The following HDAC9 variants were observed in gnomAD, a reference collection of about 807,000 sequenced individuals.
The protein encoded by HDAC9 is MEF-2 interacting transcription repressor (MITR) protein.
A neutral mutation model predicts 139.4 loss-of-function variants in HDAC9; 41 were observed. That is an observed-to-expected ratio of 0.29 (90% CI 0.23 to 0.38). The LOEUF (loss-of-function observed/expected upper bound fraction) is 0.38. HDAC9 is among the 10% of genes least tolerant of loss of function. The pLI is 1.00. For synonymous variants in HDAC9, 517 were observed against 476.2 expected (o/e 1.09, Z -1.12); for missense variants, 1,147 against 1,297.0 (o/e 0.88, Z 1.78).
At chr7:18,603,371 AT>A (rs529770148) in intron 6 of HDAC9, among the ~76,000 whole-genome samples, 2 of 152,044 alleles carry the variant, frequency 1.3e-5, no homozygotes, top group Admixed American at 6.5e-5. Context: ...TTTTAAAAAA[AT>A]ATTCACTTCT....
chr7:18,213,212 G>T (rs1262028496), intron 2 of HDAC9, among the ~76,000 whole-genome samples: 1 of 152,122 alleles, frequency 6.6e-6, no homozygotes, highest in Non-Finnish European at 1.5e-5. Flanking sequence ...ACAGAGTACT[G>T]TTCAAAAGTT....
chr7:18,109,385 C>G (rs1462823521), intron 1 of HDAC9, among the ~76,000 whole-genome samples: 1 of 152,158 alleles, frequency 6.6e-6, no homozygotes, highest in Non-Finnish European at 1.5e-5. Context: ...TCATCTGTAG[C>G]TTTTGGTGTC....
At chr7:18,136,729 A>G (rs1345599277) in intron 1 of HDAC9, among the ~76,000 whole-genome samples, 2,508 of 151,456 alleles carry the variant, frequency 0.017, 66 homozygotes, top group African/African-American at 0.058. Context: ...GTTTGAAGTC[A>G]GGTAGCGTGA....
intron 21 of HDAC9, among the ~76,000 whole-genome samples, chr7:18,859,414 A>G (rs529520219): frequency 1.3e-5 from 2 of 152,190 alleles, no homozygotes; most frequent in South Asian, 2.1e-4. Flanking sequence ...CTGACTCTGC[A>G]CTTCAGAACT....
chr7:18,509,374 C>G, intron 2 of HDAC9: 2 of 985,428 alleles, frequency 2.0e-6, no homozygotes, highest in Non-Finnish European at 2.4e-6. Flanking sequence ...TCTCTAGCCT[C>G]AAGAAGACTG....
intron 2 of HDAC9, among the ~76,000 whole-genome samples, chr7:18,172,398 C>A (rs186291202): frequency 6.6e-6 from 1 of 152,022 alleles, no homozygotes; most frequent in Non-Finnish European, 1.5e-5. Flanking sequence ...TTCAAAAAAC[C>A]AGCTCCTGGA....
Position 18,495,932 on chromosome 7 carries a change from C to T in HDAC9, c.-133C>T. The T allele has an allele frequency of 2.4e-6, 3 of 1,236,528 alleles. No homozygotes were observed. The highest frequency in any genetic ancestry group is 3.0e-6 in the Non-Finnish European group (3 of 990,402). 76.6% of individuals were successfully genotyped at this position (1,236,528 alleles called of 1,614,324 possible). A position where few individuals can be genotyped will look rare whatever the true frequency, so the allele number is the denominator to read the frequency against. On this transcript the variant is annotated 5_prime_UTR_variant, in exon 1 of 26. The change creates a new upstream start codon in the 5' untranslated region. Transcript: ENST00000686413. ...CTGACAAAGAAATAACCCCGAAGCA[C>T]GTTCCTATTTCCCACCTGCTTGTAG...
At chr7:18,642,312 A>G (rs778620829) in intron 8 of HDAC9, among the ~76,000 whole-genome samples, 3 of 152,052 alleles carry the variant, frequency 2.0e-5, no homozygotes, top group Non-Finnish European at 4.4e-5. Flanking sequence ...CATGAGCTTC[A>G]GAGCCTGAGT....
At chr7:18,114,821 A>G (rs1262717260) in intron 1 of HDAC9, among the ~76,000 whole-genome samples, 2 of 152,190 alleles carry the variant, frequency 1.3e-5, no homozygotes, top group Non-Finnish European at 2.9e-5. Flanking sequence ...AGCTGCATAC[A>G]TTGCTGGGTG....
In HDAC9 at chr7:18,623,125, C is replaced by T. The variant is rs548849814; in HGVS notation, c.665-6225C>T. ...TCCCACTGCACTCCAGCCTGGGTGA[C>T]AGAGTGAGACCCGGTCTCTGGAAAA... On this transcript the variant is annotated intron_variant, in intron 6 of 25. Coordinates refer to ENST00000686413, the MANE Select transcript of HDAC9 (RefSeq NM_178425.4). Among the ~76,000 whole-genome samples the T allele has an allele frequency of 3.5e-5, 5 of 143,754 alleles. No homozygotes were observed. The South Asian group carries it at 1.2e-3, about 33-fold the overall frequency. 94.3% of individuals were successfully genotyped at this position (143,754 alleles called of 152,430 possible).
chr7:18,629,012 A>T (rs1456220031), intron 6 of HDAC9, among the ~76,000 whole-genome samples: 1 of 152,162 alleles, frequency 6.6e-6, no homozygotes, highest in Non-Finnish European at 1.5e-5. Context: ...AGTATAATAA[A>T]TCTTACTGTG....
chr7:18,619,352 G>A (rs893640551), intron 6 of HDAC9, among the ~76,000 whole-genome samples: 1 of 152,106 alleles, frequency 6.6e-6, no homozygotes, highest in African/African-American at 2.4e-5. Context: ...CTTCATGCTT[G>A]GATGTATACA....
At position 18,159,073 on chromosome 7, in the gene HDAC9, A is replaced by G. The variant is rs577145100; in HGVS notation, c.-96-3156A>G. On this transcript the variant is annotated intron_variant, in intron 1 of 12. Transcript: ENST00000417496. The stretch of plus-strand genomic sequence containing the variant: ...TAACCATTCCTGGATCTTAAGAGAC[A>G]AAGGATTCATAGCAGCAGTTGTTTT... 9.8e-5 allele frequency among the ~76,000 whole-genome samples: 15 copies of G among 152,350 alleles called. No homozygotes were observed. In the South Asian group the frequency reaches 1.4e-3, roughly 15 times the overall value.
chr7:18,590,710 A>G (rs1830703770), intron 4 of HDAC9, among the ~76,000 whole-genome samples: 1 of 152,170 alleles, frequency 6.6e-6, no homozygotes. Context: ...ATTATCTGGC[A>G]AAGGTGCTGA....
At chr7:18,087,593 TG>T (rs556001523) in intron 1 of HDAC9, among the ~76,000 whole-genome samples, 313 of 152,240 alleles carry the variant, frequency 2.1e-3, no homozygotes, top group Middle Eastern at 6.8e-3. Context: ...CAACGCTTAT[TG>T]GGGGGTACCT....
At chr7:18,735,446 T>C (rs909125691) in intron 13 of HDAC9, among the ~76,000 whole-genome samples, 5 of 152,216 alleles carry the variant, frequency 3.3e-5, no homozygotes, top group African/African-American at 1.2e-4. Flanking sequence ...TTCAGCTTTC[T>C]ACATATGTCT....
intron 22 of HDAC9, among the ~76,000 whole-genome samples, chr7:18,898,889 A>G (rs1465212321): frequency 6.6e-6 from 1 of 151,980 alleles, no homozygotes; most frequent in Non-Finnish European, 1.5e-5. Context: ...CTTACACAAT[A>G]TGCTTAAAAG....
chr7:18,857,683 A>G (rs1245734005), intron 21 of HDAC9, among the ~76,000 whole-genome samples: 2 of 152,142 alleles, frequency 1.3e-5, no homozygotes, highest in East Asian at 3.9e-4. Context: ...TAGGAATCAT[A>G]GGAATCTGTC....
intron 12 of HDAC9, among the ~76,000 whole-genome samples, chr7:18,722,131 T>C (rs1785193013): frequency 6.6e-6 from 1 of 152,194 alleles, no homozygotes; most frequent in Admixed American, 6.5e-5. Context: ...TGAAAAGTTG[T>C]CTTACACATC....
Sources: gnomAD v4.1 joint callset for allele counts (sites outside exome capture counted in the v4.1 genomes callset) on GRCh38, gnomAD v4.1.1 for gene constraint, MANE v1.5 for transcripts, NCBI Gene and HGNC (gene_info 2026-07-23, HGNC 2026-07-21) for gene names.